NBPF14: variants seen among roughly 807,000 people sequenced by gnomAD.
NBPF14 encodes the protein NBPF member 14, also known as NBPF family member NBPF14.
A neutral mutation model predicts 91.2 loss-of-function variants in NBPF14; 104 were observed. The ratio of observed to expected loss-of-function variants is 1.14; its 90% CI spans 0.97 to 1.34. NBPF14 has a LOEUF of 1.34. Among genes scored for constraint, NBPF14 ranks in the 40% most tolerant of loss-of-function variants. NBPF14 has a pLI of 0.00. For synonymous variants in NBPF14, 294 were observed against 303.8 expected, an observed-to-expected ratio of 0.97 and a Z score of 0.34; for missense variants, 908 against 783.0, an observed-to-expected ratio of 1.16 and a Z score of -1.91.
chr1:148,585,854 G>A (rs1661438613), intron 9 of NBPF14, among the ~76,000 whole-genome samples: 1 of 149,046 alleles, frequency 6.7e-6, no homozygotes, highest in Non-Finnish European at 1.5e-5. Context: ...CACGGAGAGA[G>A]AGAAACTCAG....
chr1:148,559,910 C>T (rs1393701442), exon 37 of NBPF14: 10 of 1,299,584 alleles, frequency 7.7e-6, no homozygotes, highest in South Asian at 3.8e-5. Context: ...TAACATCTAT[C>T]CAGTGAGTCC....
At chr1:148,534,044 T>A (rs1553331975) in intron 69 of NBPF14, 75 bp from the exon 70 acceptor site, 1 of 629,068 alleles carries the variant, frequency 1.6e-6, no homozygotes, top group Admixed American at 2.5e-5. Context: ...TGTCTAATCC[T>A]CACACAGGGA....
At chr1:148,593,888 A>G (rs1241041473) in intron 2 of NBPF14, among the ~76,000 whole-genome samples, 188 bp from the exon 3 acceptor site, 3 of 149,790 alleles carry the variant, frequency 2.0e-5, no homozygotes, top group Admixed American at 1.3e-4. Flanking sequence ...CCAAAATTTA[A>G]AGACGAAGAA....
chr1:148,576,135 A>C (rs1381780032), intron 16 of NBPF14, among the ~76,000 whole-genome samples: 1 of 109,666 alleles, frequency 9.1e-6, no homozygotes, highest in Non-Finnish European at 1.7e-5. Context: ...TCATGAAAAG[A>C]GTGGGCTCAA....
chr1:148,566,506 C>A (rs1386777136), intron 28 of NBPF14, among the ~76,000 whole-genome samples, 191 bp from the exon 29 acceptor site: 1 of 93,560 alleles, frequency 1.1e-5, no homozygotes, highest in African/African-American at 5.9e-5. Flanking sequence ...AAGAGAAAGA[C>A]AGACACACAC....
At chr1:148,590,278 C>T (rs1395921392) in intron 6 of NBPF14, among the ~76,000 whole-genome samples, 1 of 140,244 alleles carries the variant, frequency 7.1e-6, no homozygotes, top group Non-Finnish European at 1.6e-5. Context: ...AGGATGGTCT[C>T]AATCTCCTGA....
At chr1:148,587,449 C>T in intron 7 of NBPF14, 46 bp from the exon 8 acceptor site, 4 of 1,533,102 alleles carry the variant, frequency 2.6e-6, no homozygotes, top group Non-Finnish European at 2.7e-6. Context: ...GCTGGACATG[C>T]TGCTGTGGTC....
intron 8 of NBPF14, among the ~76,000 whole-genome samples, 164 bp from the exon 9 acceptor site, chr1:148,586,633 G>C (rs1476421953): frequency 8.8e-5 from 13 of 147,850 alleles, no homozygotes; most frequent in African/African-American, 3.2e-4. Context: ...AATAGAAAAT[G>C]GTTTACAGGC....
At chr1:148,594,966 G>A (rs1195127234) in intron 2 of NBPF14, among the ~76,000 whole-genome samples, 1 of 125,030 alleles carries the variant, frequency 8.0e-6, no homozygotes, top group Non-Finnish European at 1.7e-5. Flanking sequence ...AAAGTGCTGA[G>A]ATTATAGGAG....
intron 13 of NBPF14, 150 bp downstream of exon 13, chr1:148,578,924 C>A (rs1660500340): frequency 2.9e-6 from 2 of 689,800 alleles, no homozygotes; most frequent in Admixed American, 2.1e-5. Context: ...TCAGACTTGA[C>A]TCCAGAGTGA....
Position 148,580,912 on chromosome 1 carries a change from G to C in NBPF14, c.1638-1675C>G, listed in dbSNP as rs1341582550. ...TAGGGTACATGTGCACAACGTGCAG[G>C]TTAGTTACATATGTATACATGTCCA... On this transcript the variant is annotated intron_variant, in intron 12 of 70. Coordinates refer to ENST00000619423, the Ensembl canonical transcript of NBPF14. Among the ~76,000 whole-genome samples the C allele has an allele frequency of 3.8e-5, 4 of 104,280 alleles. 1 individual carries two copies. Among genetic ancestry groups the C allele is most frequent in the Admixed American group, 9.9e-5 (1 of 10,136 alleles). 68.4% of individuals were successfully genotyped at this position (104,280 alleles called of 152,430 possible).
chr1:148,533,831 A>C (rs1272529490), intron 70 of NBPF14, 30 bp downstream of exon 70: 4 of 767,050 alleles, frequency 5.2e-6, no homozygotes, highest in Non-Finnish European at 9.5e-6. Flanking sequence ...GTTAACACAG[A>C]ACTAAGGATC....
chr1:148,559,477 A>G (rs1657242055), intron 37 of NBPF14, among the ~76,000 whole-genome samples: 1 of 129,792 alleles, frequency 7.7e-6, no homozygotes, highest in East Asian at 2.3e-4. Flanking sequence ...GTGAAGGATG[A>G]AATCTACAAG....
intron 28 of NBPF14, among the ~76,000 whole-genome samples, chr1:148,566,676 T>A (rs1417428348): frequency 1.6e-5 from 2 of 128,318 alleles, no homozygotes; most frequent in Admixed American, 7.6e-5. Flanking sequence ...CTGTGCTCAA[T>A]AATTTTCCAT....
At chr1:148,581,541 T>C (rs1181705123) in intron 12 of NBPF14, among the ~76,000 whole-genome samples, 2 of 151,834 alleles carry the variant, frequency 1.3e-5, no homozygotes, top group Non-Finnish European at 1.5e-5. Context: ...AAGAAAAGAA[T>C]TTTCAACCAA....
intron 59 of NBPF14, among the ~76,000 whole-genome samples, chr1:148,542,129 T>A (rs1357983209): frequency 9.5e-6 from 1 of 104,840 alleles, no homozygotes; most frequent in Non-Finnish European, 1.7e-5. Flanking sequence ...ACTTAAAGCA[T>A]ATACCCTCAA....
intron 70 of NBPF14, 48 bp downstream of exon 70, chr1:148,533,813 C>G (rs782399479): frequency 9.1e-6 from 7 of 768,096 alleles, no homozygotes; most frequent in Non-Finnish European, 1.7e-5. Context: ...AATCTGTTGC[C>G]TCCAGGAGTT....
intron 15 of NBPF14, among the ~76,000 whole-genome samples, 157 bp downstream of exon 15, chr1:148,577,026 C>G (rs1176118099): frequency 6.8e-6 from 1 of 146,320 alleles, no homozygotes; most frequent in Non-Finnish European, 1.5e-5. Context: ...GTCTGGGCTT[C>G]CAAGTGGAAC....
At chr1:148,560,306 G>T (rs1657599930) in intron 36 of NBPF14, among the ~76,000 whole-genome samples, 1 of 134,416 alleles carries the variant, frequency 7.4e-6, no homozygotes. Flanking sequence ...TGAAAAGAGT[G>T]AGCTCAATAG....
Sources: gnomAD v4.1 joint callset for allele counts (sites outside exome capture counted in the v4.1 genomes callset) on GRCh38, gnomAD v4.1.1 for gene constraint, MANE v1.5 for transcripts, NCBI Gene and HGNC (gene_info 2026-07-23, HGNC 2026-07-21) for gene names.